The following TARBP1 variants were observed in gnomAD, a reference collection of about 807,000 sequenced individuals.
TARBP1 encodes tRNA (guanosine(18)-2'-O)-methyltransferase TARBP1.
TARBP1 carries 144 observed loss-of-function variants against 178.6 expected under a neutral mutation model. That is an observed-to-expected ratio of 0.81 (90% CI 0.70 to 0.93). TARBP1 has a LOEUF of 0.93. Ranked by LOEUF, TARBP1 falls within the 40% of genes least tolerant of loss-of-function variation. The pLI, the probability that TARBP1 is intolerant of heterozygous loss-of-function variation, is 0.00. For missense variants in TARBP1, 2,067 were observed against 2,011.7 expected (o/e 1.03, Z -0.53); for synonymous variants, 787 against 781.0 (o/e 1.01, Z -0.13).
chr1:234,462,995 T>G (rs36015503), intron 6 of TARBP1, among the ~76,000 whole-genome samples: 22,414 of 152,224 alleles, frequency 0.15, 1,897 homozygotes, highest in Middle Eastern at 0.2. Context: ...CTGCTGCTGC[T>G]CAGCAAACAA....
intron 22 of TARBP1, among the ~76,000 whole-genome samples, chr1:234,416,055 A>G (rs1662380904): frequency 6.6e-6 from 1 of 152,230 alleles, no homozygotes. Context: ...GGCTGAGCTA[A>G]GCAAATAAAA....
chr1:234,393,865 C>T, intron 26 of TARBP1, 28 bp from the exon 27 acceptor site: 1 of 1,536,930 alleles, frequency 6.5e-7, no homozygotes, highest in South Asian at 1.2e-5. Flanking sequence ...AACAATCCCA[C>T]ATATAAATAA....
chr1:234,479,131 GGCTC>G lies in TARBP1; in HGVS notation c.-32_-29del. ...GCCGAGCGCCCGCGCCACCGGCCCG[GGCTC>G]CCAAAGGAAGGCGCCGGCGTGTGCG... On this transcript the variant is annotated 5_prime_UTR_variant, in exon 1 of 30. Coordinates refer to ENST00000040877, the MANE Select transcript of TARBP1 (RefSeq NM_005646.4). 6.6e-7 allele frequency: 1 copy of G among 1,505,628 alleles called. No homozygotes were observed. Among genetic ancestry groups the G allele is most frequent in the Non-Finnish European group, 8.8e-7 (1 of 1,140,764 alleles). 93.3% of individuals were successfully genotyped at this position (1,505,628 alleles called of 1,614,324 possible).
At chr1:234,398,028 T>C (rs1660311094) in intron 26 of TARBP1, 1 of 159,612 alleles carries the variant, frequency 6.3e-6, no homozygotes, top group Admixed American at 6.4e-5. Flanking sequence ...GATTTCATCA[T>C]TTGGTCCTTT....
At chr1:234,413,228 C>T (rs1434602866) in intron 22 of TARBP1, among the ~76,000 whole-genome samples, 2 of 151,884 alleles carry the variant, frequency 1.3e-5, no homozygotes, top group African/African-American at 2.4e-5. Context: ...ACACACATCA[C>T]GAAAAAAAAG....
intron 22 of TARBP1, among the ~76,000 whole-genome samples, chr1:234,415,257 T>C (rs1472473668): frequency 6.6e-6 from 1 of 152,092 alleles, no homozygotes; most frequent in Non-Finnish European, 1.5e-5. Flanking sequence ...GGCCAAAGAC[T>C]CAGTGGAAGA....
At chr1:234,440,377 TA>T (rs202004887) in intron 12 of TARBP1, among the ~76,000 whole-genome samples, 25 of 138,842 alleles carry the variant, frequency 1.8e-4, no homozygotes, top group African/African-American at 2.9e-4. Flanking sequence ...AAAAAATCTA[TA>T]AAAAAAAAAT....
chr1:234,414,965 C>G (rs1022274535), intron 22 of TARBP1, among the ~76,000 whole-genome samples: 1 of 151,780 alleles, frequency 6.6e-6, no homozygotes, highest in Non-Finnish European at 1.5e-5. Context: ...GTCTGGGCGA[C>G]AGAGCGAGAC....
rs186719315 is a variant in TARBP1 at position 234,414,891 on chromosome 1, G to A, written c.3705+3193C>T. 2.6e-5 allele frequency among the ~76,000 whole-genome samples: 4 copies of A among 152,294 alleles called. No homozygotes were observed. In the East Asian group the frequency reaches 7.7e-4, roughly 29 times the overall value. ...CCCAGCTACTCAGGAGGCTGAGGCA[G>A]GAGAATTGCTTAAAGCTGGGAGGCG... On this transcript the variant is annotated intron_variant, in intron 22 of 29. Coordinates refer to ENST00000040877, the MANE Select transcript of TARBP1 (RefSeq NM_005646.4).
intron 26 of TARBP1, 59 bp downstream of exon 26, chr1:234,398,323 A>T: frequency 6.9e-7 from 1 of 1,447,960 alleles, no homozygotes; most frequent in East Asian, 2.3e-5. Context: ...AGTAACTTAA[A>T]TCAAAAAAAT....
intron 9 of TARBP1, among the ~76,000 whole-genome samples, chr1:234,453,053 G>A (rs1666938097): frequency 6.6e-6 from 1 of 152,182 alleles, no homozygotes; most frequent in African/African-American, 2.4e-5. Context: ...AGGTCTGGGG[G>A]AAAGGAGGGA....
chr1:234,429,772 G>C lies in TARBP1; in HGVS notation c.2610-95C>G, dbSNP rs897686128. Reference sequence around the variant, plus strand: ...ACTATCCTTTCTAAAGGTGGGGGGGGGGGGGCAGTGTACAGATATAAATGG... The same window carrying C: ...ACTATCCTTTCTAAAGGTGGGGGGGCGGGGGCAGTGTACAGATATAAATGG... On this transcript the variant is annotated intron_variant, in intron 15 of 29. Coordinates refer to ENST00000040877, the MANE Select transcript of TARBP1 (RefSeq NM_005646.4). 47 of 1,303,890 alleles carry C rather than the reference G, an allele frequency of 3.6e-5. No homozygotes were observed. In the South Asian group the frequency reaches 6.2e-4, roughly 17 times the overall value. 80.8% of individuals were successfully genotyped at this position (1,303,890 alleles called of 1,614,324 possible). A position where few individuals can be genotyped will look rare whatever the true frequency, so the allele number is the denominator to read the frequency against.
chr1:234,478,206 C>T lies in TARBP1; in HGVS notation c.898G>A (p.Ala300Thr), dbSNP rs773926262. ...TCCTGGGGCCCGCAGGTGCAGTCGG[C>T]CCCCAGCTCCGCCGACACCTCCACC... ...RAVEVSAELG[A>T]DCTCGPQEGN... Residue 300 changes from alanine to threonine, a missense_variant, in exon 1 of 30, where the codon GCC becomes ACC. Coordinates refer to ENST00000040877, the MANE Select transcript of TARBP1 (RefSeq NM_005646.4). The T allele has an allele frequency of 3.7e-6, 6 of 1,611,660 alleles. No individual in the cohort carries two copies. The African/African-American group carries it at 4.0e-5, about 11-fold the overall frequency.
chr1:234,434,412 C>G (rs183051027), intron 13 of TARBP1, among the ~76,000 whole-genome samples: 1 of 152,216 alleles, frequency 6.6e-6, no homozygotes, highest in East Asian at 1.9e-4. Flanking sequence ...AAGCACTTTG[C>G]CAGGTGCTGG....
At position 234,459,290 on chromosome 1, in the gene TARBP1, A is replaced by G. The variant is rs1667603648; in HGVS notation, c.1572T>C (p.Ile524=). ...AGCATTGGGCTGCCCCTCTCAGGAG[A>G]ATCTGATGTGTGATCATAGTGCAAT... ...VIHCTMITHQ[I]LLRGAAQCYL... is the part of the protein sequence containing the mutation. The change falls in exon 8 of 30, where the codon ATT becomes ATC. Residue 524 remains isoleucine, a synonymous_variant. Coordinates refer to ENST00000040877, the MANE Select transcript of TARBP1 (RefSeq NM_005646.4). 1 of 1,613,454 alleles carries G rather than the reference A, an allele frequency of 6.2e-7. No homozygotes were observed. Among genetic ancestry groups the G allele is most frequent in the Non-Finnish European group, 8.5e-7 (1 of 1,179,762 alleles).
At position 234,429,280 on chromosome 1, in the gene TARBP1, C is replaced by A; in HGVS notation, c.2916G>T (p.Met972Ile). The change falls in exon 17 of 30, where the codon ATG (methionine) becomes ATT (isoleucine). Residue 972 changes from methionine (M) to isoleucine (I), a missense_variant. Met to Ile is a conservative substitution (Grantham distance 10). Transcript: ENST00000040877. The stretch of plus-strand genomic sequence containing the variant: ...TTAAAGAAGATATAATTTTCCACGC[C>A]ATGTCAAAAGACTCTATGCAGAGTG... The part of the protein sequence containing the change: ...SESLCIESFD[M>I]AWKIISSLSN... The A allele has an allele frequency of 6.2e-7, 1 of 1,600,406 alleles. No individual in the cohort carries two copies. The highest frequency in any genetic ancestry group is 8.5e-7 in the Non-Finnish European group (1 of 1,176,732).
At position 234,429,177 on chromosome 1, in the gene TARBP1, CAATGGTAAG is replaced by C; in HGVS notation, c.3010_3018del (p.Leu1004_Ile1006del). On this transcript the variant is annotated inframe_deletion, in exon 17 of 30. Transcript: ENST00000040877. ...TATGCCTGGCCCTTGATTTTGGCAG[CAATGGTAAG>C]AACTTTGTTATCAAAAACAAACTGA... 6.3e-7 allele frequency: 1 copy of C among 1,590,924 alleles called. No individual in the cohort carries two copies. Among genetic ancestry groups the C allele is most frequent in the Non-Finnish European group, 8.5e-7 (1 of 1,174,250 alleles).
chr1:234,429,380 T>C (rs1223567611), intron 16 of TARBP1, 36 bp downstream of exon 16: 5 of 1,582,098 alleles, frequency 3.2e-6, no homozygotes, highest in Middle Eastern at 1.7e-4. Context: ...GCCACTCCTA[T>C]AGTTACTGTT....
At chr1:234,404,083 A>G (rs1572219542) in intron 24 of TARBP1, among the ~76,000 whole-genome samples, 1 of 152,266 alleles carries the variant, frequency 6.6e-6, no homozygotes, top group East Asian at 1.9e-4. Flanking sequence ...AATAAAAAAT[A>G]TGACTGGAGC....
Sources: allele counts gnomAD v4.1 joint callset (sites outside exome capture counted in the v4.1 genomes callset), GRCh38; gene constraint gnomAD v4.1.1; transcripts MANE v1.5; gene names NCBI Gene and HGNC (gene_info 2026-07-23, HGNC 2026-07-21).